The following SND1 variants were observed in gnomAD, a reference collection of about 807,000 sequenced individuals.
SND1 encodes the protein staphylococcal nuclease domain-containing protein 1.
A neutral mutation model predicts 121.7 loss-of-function variants in SND1; 38 were observed. That is an observed-to-expected ratio of 0.31 (90% confidence interval 0.24 to 0.41). The LOEUF (loss-of-function observed/expected upper bound fraction) is 0.41, where lower values mean the gene tolerates loss of function less well. Ranked by LOEUF, SND1 falls within the 10% of genes least tolerant of loss-of-function variation. SND1 has a pLI of 1.00. For missense variants in SND1, 868 were observed against 1,184.6 expected (o/e 0.73, Z 3.92); for synonymous variants, 401 against 447.4 (o/e 0.90, Z 1.31).
Position 127,938,028 on chromosome 7 carries a change from T to G in SND1, c.1669+8699T>G, listed in dbSNP as rs1409542994. Among the ~76,000 whole-genome samples, 3 of 152,236 alleles carry G rather than the reference T, an allele frequency of 2.0e-5. No homozygotes were observed. The East Asian group carries it at 5.8e-4, about 29-fold the overall frequency. ...TAATTGAATTGCAACTTAATGGATA[T>G]TTGTAAAGTGGGGTATTCTTTCTCT... On this transcript the variant is annotated intron_variant, in intron 15 of 23. Coordinates refer to ENST00000354725, the MANE Select transcript of SND1 (RefSeq NM_014390.4).
chr7:127,895,490 A>G (rs914888767), intron 13 of SND1, among the ~76,000 whole-genome samples: 1 of 152,038 alleles, frequency 6.6e-6, no homozygotes, highest in African/African-American at 2.4e-5. Context: ...TTGGAAATGC[A>G]CACCCCACCC....
intron 10 of SND1, among the ~76,000 whole-genome samples, chr7:127,736,813 A>C (rs1318598599): frequency 1.3e-5 from 2 of 152,170 alleles, no homozygotes; most frequent in Non-Finnish European, 2.9e-5. Flanking sequence ...GTGGATAGGT[A>C]CATCTTCTCC....
At chr7:127,824,157 T>C (rs1475877134) in intron 11 of SND1, among the ~76,000 whole-genome samples, 1 of 152,250 alleles carries the variant, frequency 6.6e-6, no homozygotes, top group Non-Finnish European at 1.5e-5. Flanking sequence ...GTGGTATCTT[T>C]AAGTTTCCAC....
At chr7:127,761,909 C>T (rs1797312356) in intron 10 of SND1, among the ~76,000 whole-genome samples, 1 of 152,168 alleles carries the variant, frequency 6.6e-6, no homozygotes, top group East Asian at 1.9e-4. Context: ...TGTTTTTAAG[C>T]ATGCTCAAGA....
intron 10 of SND1, among the ~76,000 whole-genome samples, chr7:127,775,843 T>C (rs1797610134): frequency 6.6e-6 from 1 of 152,120 alleles, no homozygotes; most frequent in Non-Finnish European, 1.5e-5. Context: ...CTAAGACAAC[T>C]TAGAAGCAGT....
At chr7:127,812,047 C>T (rs911920866) in intron 11 of SND1, among the ~76,000 whole-genome samples, 1 of 152,180 alleles carries the variant, frequency 6.6e-6, no homozygotes, top group Non-Finnish European at 1.5e-5. Context: ...GCAAGATCTA[C>T]ATGTTGTTCT....
At chr7:127,840,653 T>G (rs1020356673) in intron 11 of SND1, among the ~76,000 whole-genome samples, 1 of 152,212 alleles carries the variant, frequency 6.6e-6, no homozygotes, top group Non-Finnish European at 1.5e-5. Flanking sequence ...ATGGTTCTTT[T>G]TCAAGTGATT....
chr7:128,073,978 C>T (rs764606236), intron 16 of SND1, among the ~76,000 whole-genome samples: 3 of 152,178 alleles, frequency 2.0e-5, no homozygotes, highest in Non-Finnish European at 2.9e-5. Flanking sequence ...ATTTCCTGCC[C>T]GCGTCTTTCT....
At chr7:128,086,702 G>A (rs1584781852) in intron 20 of SND1, 1 of 589,092 alleles carries the variant, frequency 1.7e-6, no homozygotes, top group East Asian at 2.9e-5. Flanking sequence ...ACCACTAGGT[G>A]TGCCAGCACC....
intron 12 of SND1, chr7:127,857,761 T>G (rs1049763542): frequency 1.6e-6 from 1 of 634,636 alleles, no homozygotes; most frequent in Non-Finnish European, 2.9e-6. Flanking sequence ...AAAAATGGCC[T>G]CCAACTTCCT....
intron 15 of SND1, among the ~76,000 whole-genome samples, chr7:127,983,518 C>G (rs76792166): frequency 6.6e-6 from 1 of 152,186 alleles, no homozygotes; most frequent in East Asian, 1.9e-4. Flanking sequence ...CTGTCCACCC[C>G]CTACATCTGC....
intron 10 of SND1, among the ~76,000 whole-genome samples, chr7:127,764,341 T>C (rs1477472554): frequency 2.6e-5 from 4 of 152,210 alleles, no homozygotes; most frequent in Non-Finnish European, 5.9e-5. Flanking sequence ...CACATCTCTT[T>C]TGGTTAGCTC....
intron 10 of SND1, among the ~76,000 whole-genome samples, chr7:127,795,682 A>G (rs1001805495): frequency 2.6e-5 from 4 of 152,176 alleles, no homozygotes; most frequent in African/African-American, 7.2e-5. Context: ...TCTTAGGTCA[A>G]AAGAGAGCAT....
intron 10 of SND1, among the ~76,000 whole-genome samples, chr7:127,776,174 A>G (rs1235269648): frequency 2.0e-5 from 3 of 152,208 alleles, no homozygotes; most frequent in Admixed American, 6.5e-5. Context: ...ATAGGCTTTC[A>G]TCTAGCAGTT....
intron 14 of SND1, among the ~76,000 whole-genome samples, chr7:127,923,907 G>T (rs1800776387): frequency 6.6e-6 from 1 of 151,076 alleles, no homozygotes; most frequent in African/African-American, 2.4e-5. Flanking sequence ...TCCTGTGTCT[G>T]TCCTCTTGTT....
chr7:128,050,890 A>C (rs928958198), intron 16 of SND1, among the ~76,000 whole-genome samples: 4 of 152,250 alleles, frequency 2.6e-5, no homozygotes, highest in Non-Finnish European at 4.4e-5. Flanking sequence ...TGAGCTGAGA[A>C]AGAGCATCAT....
chr7:127,975,290 G>C (rs1290636711), intron 15 of SND1, among the ~76,000 whole-genome samples: 2 of 152,178 alleles, frequency 1.3e-5, no homozygotes, highest in African/African-American at 4.8e-5. Context: ...GAGTGTAGTA[G>C]GGAGACACTC....
intron 16 of SND1, chr7:128,030,138 T>G (rs886453156): frequency 6.2e-7 from 1 of 1,614,150 alleles, no homozygotes; most frequent in East Asian, 2.2e-5. Flanking sequence ...GGGCACCCGG[T>G]TGAAGGCGTA....
chr7:127,886,993 A>G (rs1472673939), intron 12 of SND1, among the ~76,000 whole-genome samples: 2 of 151,568 alleles, frequency 1.3e-5, no homozygotes, highest in Non-Finnish European at 2.9e-5. Flanking sequence ...TTTGTTCCCC[A>G]TCTTGATTTG....
Sources: gnomAD v4.1 joint callset for allele counts (sites outside exome capture counted in the v4.1 genomes callset) on GRCh38, gnomAD v4.1.1 for gene constraint, MANE v1.5 for transcripts, NCBI Gene and HGNC (gene_info 2026-07-23, HGNC 2026-07-21) for gene names.